NHSL1: variants seen among roughly 807,000 people sequenced by gnomAD.
The protein encoded by NHSL1 is NHS-like protein 1.
A neutral mutation model predicts 95.0 loss-of-function variants in NHSL1; 48 were observed. That is an observed-to-expected ratio of 0.51 (90% confidence interval 0.40 to 0.64). The LOEUF (loss-of-function observed/expected upper bound fraction) is 0.64. NHSL1 is among the 30% of genes least tolerant of loss of function. The pLI is 0.00. For synonymous variants in NHSL1, 783 were observed against 833.9 expected (o/e 0.94, Z 1.05); for missense variants, 1,971 against 2,077.7 (o/e 0.95, Z 1.00).
chr6:138,587,280 T>C (rs879707824), intron 1 of NHSL1, among the ~76,000 whole-genome samples: 2 of 151,518 alleles, frequency 1.3e-5, no homozygotes, highest in African/African-American at 4.8e-5. Flanking sequence ...GAGGCACTTG[T>C]GTTTTTAAAC....
intron 1 of NHSL1, among the ~76,000 whole-genome samples, chr6:138,568,269 C>T (rs1390002481): frequency 6.6e-6 from 1 of 152,188 alleles, no homozygotes; most frequent in Non-Finnish European, 1.5e-5. Flanking sequence ...AACCCCCCTG[C>T]TTTAGATGTC....
intron 1 of NHSL1, among the ~76,000 whole-genome samples, chr6:138,594,979 T>C (rs1035855049): frequency 1.3e-5 from 2 of 152,168 alleles, no homozygotes; most frequent in African/African-American, 4.8e-5. Context: ...ATCCAGCACA[T>C]GACCCTAATT....
chr6:138,487,088 A>G (rs571691693), intron 2 of NHSL1, among the ~76,000 whole-genome samples: 29 of 152,294 alleles, frequency 1.9e-4, no homozygotes, highest in Middle Eastern at 3.4e-3. Context: ...TAGCATTCCA[A>G]CTGAAGGACT....
intron 2 of NHSL1, among the ~76,000 whole-genome samples, chr6:138,491,534 T>C (rs1330876848): frequency 6.6e-6 from 1 of 152,192 alleles, no homozygotes; most frequent in Non-Finnish European, 1.5e-5. Context: ...TTAGGTTACT[T>C]ATCATCACAG....
chr6:138,645,965 T>C (rs933276875), intron 1 of NHSL1, among the ~76,000 whole-genome samples: 5 of 152,160 alleles, frequency 3.3e-5, no homozygotes, highest in Admixed American at 2.0e-4. Flanking sequence ...TATGATATAA[T>C]CAGCAAAAAG....
intron 5 of NHSL1, among the ~76,000 whole-genome samples, chr6:138,437,785 A>G (rs1168935010): frequency 6.6e-6 from 1 of 152,186 alleles, no homozygotes; most frequent in East Asian, 1.9e-4. Context: ...ATAACTTTTG[A>G]GAGGATCAAG....
chr6:138,579,560 T>C (rs778532685), intron 1 of NHSL1, among the ~76,000 whole-genome samples: 1 of 152,204 alleles, frequency 6.6e-6, no homozygotes, highest in Non-Finnish European at 1.5e-5. Context: ...TATTAGGACA[T>C]CTTCACTGCT....
At chr6:138,672,541 G>A (rs1055477491) in intron 1 of NHSL1, among the ~76,000 whole-genome samples, 1 of 152,020 alleles carries the variant, frequency 6.6e-6, no homozygotes, top group African/African-American at 2.4e-5. Context: ...CCATCTGAGG[G>A]GCAATATGGT....
intron 1 of NHSL1, among the ~76,000 whole-genome samples, chr6:138,545,139 C>A (rs371639215): frequency 6.6e-6 from 1 of 151,684 alleles, no homozygotes; most frequent in Non-Finnish European, 1.5e-5. Flanking sequence ...TACAGGCACC[C>A]GCCACCACGC....
chr6:138,444,857 C>T (rs1354047531), intron 4 of NHSL1, among the ~76,000 whole-genome samples: 2 of 152,164 alleles, frequency 1.3e-5, no homozygotes, highest in Non-Finnish European at 2.9e-5. Context: ...TGTGAACACA[C>T]AGATGTAGAA....
intron 1 of NHSL1, among the ~76,000 whole-genome samples, chr6:138,578,437 T>C (rs939980214): frequency 6.6e-6 from 1 of 152,074 alleles, no homozygotes; most frequent in Non-Finnish European, 1.5e-5. Flanking sequence ...TAACCAAAAA[T>C]GCAACATCTG....
intron 1 of NHSL1, among the ~76,000 whole-genome samples, chr6:138,599,420 G>A (rs1784343725): frequency 6.6e-6 from 1 of 151,996 alleles, no homozygotes; most frequent in African/African-American, 2.4e-5. Flanking sequence ...GCTGAGGCAG[G>A]AGAATCACCT....
chr6:138,427,883 A>G (rs567380407), intron 7 of NHSL1, among the ~76,000 whole-genome samples: 1 of 152,372 alleles, frequency 6.6e-6, no homozygotes, highest in East Asian at 1.9e-4. Context: ...TCAACGCTAC[A>G]ACAGAAATTA....
chr6:138,451,794 A>G (rs1777255230), intron 3 of NHSL1, among the ~76,000 whole-genome samples: 1 of 152,224 alleles, frequency 6.6e-6, no homozygotes, highest in South Asian at 2.1e-4. Flanking sequence ...CAATGTGGCA[A>G]TATTTACAAT....
chr6:138,605,620 G>C (rs770082303), intron 1 of NHSL1, among the ~76,000 whole-genome samples: 1 of 152,178 alleles, frequency 6.6e-6, no homozygotes, highest in Non-Finnish European at 1.5e-5. Context: ...ACTTTGATTT[G>C]AAAGCTATTT....
chr6:138,654,669 C>G (rs996895549), intron 1 of NHSL1, among the ~76,000 whole-genome samples: 2 of 151,814 alleles, frequency 1.3e-5, no homozygotes, highest in African/African-American at 4.8e-5. Flanking sequence ...CCAACGATTC[C>G]TCCATAAAAT....
Position 138,425,188 on chromosome 6 carries a change from T to TCCC in NHSL1, c.4086-373_4086-372insGGG, listed in dbSNP as rs764727642. Among the ~76,000 whole-genome samples, 13 of 152,296 alleles carry TCCC rather than the reference T, an allele frequency of 8.5e-5. No homozygotes were observed. The South Asian group carries it at 2.3e-3, about 27-fold the overall frequency. On this transcript the variant is annotated intron_variant, in intron 7 of 7. Transcript: ENST00000343505. ...TCATTGCAACCTCTGCCTCCCGGAT[T>TCCC]CAAGCGATTCTCCCTGCCTCAGCCT...
exon 1 of NHSL1, chr6:138,571,985 G>A (rs1453617866): frequency 3.1e-6 from 4 of 1,272,726 alleles, no homozygotes; most frequent in East Asian, 2.5e-5. Context: ...GTTGGCCCAG[G>A]TCCTCTCCAC....
At chr6:138,655,653 G>A (rs1562403869) in intron 1 of NHSL1, among the ~76,000 whole-genome samples, 1 of 152,094 alleles carries the variant, frequency 6.6e-6, no homozygotes, top group Non-Finnish European at 1.5e-5. Flanking sequence ...CTAATACAAT[G>A]AGTATTAAGT....
Sources: allele counts gnomAD v4.1 joint callset (sites outside exome capture counted in the v4.1 genomes callset), GRCh38; gene constraint gnomAD v4.1.1; transcripts MANE v1.5; gene names NCBI Gene and HGNC (gene_info 2026-07-23, HGNC 2026-07-21).